The following VPS45 variants were observed in gnomAD, a reference collection of about 807,000 sequenced individuals.
VPS45 encodes vacuolar protein sorting-associated protein 45.
VPS45 carries 35 observed loss-of-function variants against 75.9 expected under a neutral mutation model. The ratio of observed to expected loss-of-function variants is 0.46; its 90% CI spans 0.35 to 0.61. The LOEUF (loss-of-function observed/expected upper bound fraction) is 0.61. Ranked by LOEUF, VPS45 falls within the 20% of genes least tolerant of loss-of-function variation. VPS45 has a pLI of 0.00. For synonymous variants in VPS45, 220 were observed against 238.2 expected (o/e 0.92, Z 0.70); for missense variants, 559 against 685.9 (o/e 0.81, Z 2.07).
At chr1:150,121,903 A>G (rs1302737433) in intron 14 of VPS45, among the ~76,000 whole-genome samples, 3 of 152,202 alleles carry the variant, frequency 2.0e-5, no homozygotes, top group Non-Finnish European at 2.9e-5. Flanking sequence ...GTAAATCAGT[A>G]TGTAATAGAT....
At chr1:150,116,417 TATTA>T (rs782811904) in intron 14 of VPS45, among the ~76,000 whole-genome samples, 63 of 152,342 alleles carry the variant, frequency 4.1e-4, no homozygotes, top group Non-Finnish European at 7.1e-4. Context: ...ACTTTAAATC[TATTA>T]ATTCATTGAA....
chr1:150,130,011 A>G (rs782469473), intron 14 of VPS45, among the ~76,000 whole-genome samples: 12 of 151,670 alleles, frequency 7.9e-5, no homozygotes, highest in East Asian at 3.9e-4. Context: ...AAGCCTGGCT[A>G]TCTATCTGTC....
At chr1:150,108,888 C>T (rs1431172028) in intron 13 of VPS45, among the ~76,000 whole-genome samples, 4 of 152,290 alleles carry the variant, frequency 2.6e-5, no homozygotes, top group East Asian at 1.9e-4. Context: ...GCTGTGCCCC[C>T]GCCCAGTTCC....
intron 14 of VPS45, among the ~76,000 whole-genome samples, chr1:150,118,551 G>A (rs9727702): frequency 0.046 from 7,053 of 151,702 alleles, 560 homozygotes; most frequent in African/African-American, 0.16. Context: ...CACTACAGGC[G>A]TGCACCACCA....
rs111414303 is a variant in VPS45 at position 150,091,842 on chromosome 1, G to A, written c.1105-95G>A. 9.2e-3 allele frequency: 10,070 copies of A among 1,096,970 alleles called. 555 individuals carry two copies. The African/African-American group carries it at 0.13, about 14-fold the overall frequency. The allele number at this position is 1,096,970 out of a possible 1,614,324, so 68.0% of individuals were successfully genotyped here. On this transcript the variant is annotated intron_variant, in intron 10 of 14. Transcript: ENST00000644510. ...GACTTATAATTGTCATAGTAGTGAT[G>A]TATCACTACCATTCAATAATTATTA...
intron 14 of VPS45, among the ~76,000 whole-genome samples, chr1:150,141,345 C>G (rs1475393210): frequency 1.3e-5 from 2 of 152,084 alleles, no homozygotes; most frequent in African/African-American, 2.4e-5. Flanking sequence ...GTAATTTTTA[C>G]CTGTGGAGTA....
intron 10 of VPS45, among the ~76,000 whole-genome samples, chr1:150,090,789 A>G (rs2101562591): frequency 6.6e-6 from 1 of 152,274 alleles, no homozygotes; most frequent in South Asian, 2.1e-4. Flanking sequence ...TTCTTCATCA[A>G]TCAGTGTTTG....
chr1:150,100,131 G>A (rs1326774363), intron 13 of VPS45, among the ~76,000 whole-genome samples: 2 of 152,144 alleles, frequency 1.3e-5, no homozygotes, highest in East Asian at 1.9e-4. Flanking sequence ...AACAACTTCA[G>A]CAAAGTTGCA....
At position 150,068,753 on chromosome 1, in the gene VPS45, C is replaced by T; in HGVS notation, c.217C>T (p.Arg73Ter). The T allele has an allele frequency of 6.2e-7, 1 of 1,610,922 alleles. No homozygotes were observed. Among genetic ancestry groups the T allele is most frequent in the Non-Finnish European group, 8.5e-7 (1 of 1,178,338 alleles). The change falls in exon 2 of 15, where the codon CGA becomes TGA. Residue 73 changes from arginine (R) to a stop codon, truncating the protein, a stop_gained. Coordinates refer to ENST00000644510, the MANE Select transcript of VPS45 (RefSeq NM_007259.5). LOFTEE classifies it high-confidence loss of function. ...ACACCTGAAGGCAATTTGTTTTCTT[C>T]GACCTACAAAGGTACTGCATAAACT... ...MKHLKAICFL[R>*]PTKENVDYII... is the part of the protein sequence containing the mutation.
chr1:150,113,750 GC>G (rs1354676850), intron 14 of VPS45, among the ~76,000 whole-genome samples: 1 of 151,974 alleles, frequency 6.6e-6, no homozygotes, highest in Non-Finnish European at 1.5e-5. Context: ...ACAAAAATTA[GC>G]CAGGCGTGGT....
At chr1:150,142,906 G>C (rs1175834927) in intron 14 of VPS45, 1 of 449,330 alleles carries the variant, frequency 2.2e-6, no homozygotes, top group Non-Finnish European at 4.5e-6. Flanking sequence ...ACCCGCCTCA[G>C]CCTCCCAAAG....
chr1:150,103,375 A>G (rs1386857118), intron 13 of VPS45, among the ~76,000 whole-genome samples: 1 of 152,224 alleles, frequency 6.6e-6, no homozygotes. Flanking sequence ...ATTGTTTTTC[A>G]TAGACGTTCT....
intron 13 of VPS45, among the ~76,000 whole-genome samples, chr1:150,103,039 G>C (rs1343132054): frequency 7.2e-6 from 1 of 139,346 alleles, no homozygotes; most frequent in Non-Finnish European, 1.5e-5. Flanking sequence ...AAGAAATAAT[G>C]ATTTCCAGAT....
At chr1:150,073,657 C>T (rs1655202186) in intron 3 of VPS45, among the ~76,000 whole-genome samples, 1 of 151,716 alleles carries the variant, frequency 6.6e-6, no homozygotes, top group South Asian at 2.1e-4. Context: ...AAAAAAACAA[C>T]GAATAATAAT....
intron 2 of VPS45, among the ~76,000 whole-genome samples, chr1:150,071,118 CT>C (rs1244447696): frequency 1.3e-5 from 2 of 151,534 alleles, no homozygotes; most frequent in African/African-American, 4.8e-5. Context: ...ATATTGCTTA[CT>C]TTTTTTTAAT....
intron 12 of VPS45, among the ~76,000 whole-genome samples, 169 bp from the exon 13 acceptor site, chr1:150,093,358 A>T (rs1656447246): frequency 1.3e-5 from 2 of 152,186 alleles, no homozygotes; most frequent in South Asian, 4.1e-4. Context: ...TTTTTATGAG[A>T]TTAGAACATT....
chr1:150,133,625 G>C (rs1280191577), intron 14 of VPS45, among the ~76,000 whole-genome samples: 1 of 152,110 alleles, frequency 6.6e-6, no homozygotes, highest in African/African-American at 2.4e-5. Flanking sequence ...TTGGGGCTTC[G>C]TTTCTTGCAT....
At chr1:150,112,245 T>G (rs1553807315) in intron 14 of VPS45, among the ~76,000 whole-genome samples, 1 of 152,140 alleles carries the variant, frequency 6.6e-6, no homozygotes, top group Non-Finnish European at 1.5e-5. Flanking sequence ...TTCCTCTATA[T>G]TTTTGTTTTA....
At chr1:150,137,544 C>T (rs190818442) in intron 14 of VPS45, among the ~76,000 whole-genome samples, 15 of 152,240 alleles carry the variant, frequency 9.9e-5, no homozygotes, top group Admixed American at 2.6e-4. Context: ...TCACCTACAC[C>T]GGGATATCTC....
Sources: gnomAD v4.1 joint callset for allele counts (sites outside exome capture counted in the v4.1 genomes callset) on GRCh38, gnomAD v4.1.1 for gene constraint, MANE v1.5 for transcripts, NCBI Gene and HGNC (gene_info 2026-07-23, HGNC 2026-07-21) for gene names.